The following LUZP2 variants were observed in gnomAD, a reference collection of about 807,000 sequenced individuals.
The protein encoded by LUZP2 is leucine zipper protein 2.
Under a neutral mutation model 51.6 loss-of-function variants are expected in LUZP2, and 52 were observed. The ratio of observed to expected loss-of-function variants is 1.01; its 90% confidence interval spans 0.81 to 1.27. The LOEUF (loss-of-function observed/expected upper bound fraction) is 1.27. LUZP2 is among the 50% of genes most tolerant of loss of function. The probability of loss-of-function intolerance (pLI) is 0.00; values close to 1 mark genes in which losing one functional copy is unlikely to be tolerated. For synonymous variants in LUZP2, 154 were observed against 137.3 expected, an observed-to-expected ratio of 1.12 and a Z score of -0.85; for missense variants, 436 against 395.4, an observed-to-expected ratio of 1.10 and a Z score of -0.87.
At chr11:24,830,311 C>G (rs1173843971) in intron 5 of LUZP2, among the ~76,000 whole-genome samples, 1 of 152,092 alleles carries the variant, frequency 6.6e-6, no homozygotes, top group Non-Finnish European at 1.5e-5. Context: ...AAATTTCTTC[C>G]CCATTTTTGA....
chr11:24,541,835 C>A (rs1167099980), intron 1 of LUZP2, among the ~76,000 whole-genome samples: 5 of 151,906 alleles, frequency 3.3e-5, no homozygotes, highest in Non-Finnish European at 7.4e-5. Flanking sequence ...ATAAGTACAG[C>A]CTAAAATTCC....
chr11:24,837,960 A>C (rs188871082), intron 5 of LUZP2, among the ~76,000 whole-genome samples: 12 of 151,806 alleles, frequency 7.9e-5, no homozygotes, highest in Admixed American at 1.3e-4. Context: ...ATTATTCTCT[A>C]TAAGGACAAT....
At chr11:24,657,476 G>C (rs1433166671) in intron 1 of LUZP2, among the ~76,000 whole-genome samples, 1 of 152,144 alleles carries the variant, frequency 6.6e-6, no homozygotes, top group Non-Finnish European at 1.5e-5. Flanking sequence ...ATATCATAAT[G>C]AATGGGCAAA....
chr11:24,840,597 C>A (rs559731371), intron 5 of LUZP2, among the ~76,000 whole-genome samples: 11 of 151,940 alleles, frequency 7.2e-5, no homozygotes, highest in Non-Finnish European at 1.3e-4. Flanking sequence ...AGATTCTGAT[C>A]CATAGCTCTA....
chr11:24,586,526 G>T (rs1366518491), intron 1 of LUZP2, among the ~76,000 whole-genome samples: 1 of 151,678 alleles, frequency 6.6e-6, no homozygotes, highest in African/African-American at 2.4e-5. Flanking sequence ...TATTATCTTA[G>T]TTTTTGTTAC....
intron 10 of LUZP2, among the ~76,000 whole-genome samples, chr11:25,066,740 TAG>T (rs1859006657): frequency 6.6e-6 from 1 of 151,838 alleles, no homozygotes; most frequent in African/African-American, 2.4e-5. Context: ...AAGGTGACGT[TAG>T]AGAGAGTTAA....
intron 1 of LUZP2, among the ~76,000 whole-genome samples, chr11:24,666,661 G>A (rs1310148971): frequency 1.3e-5 from 2 of 152,126 alleles, no homozygotes; most frequent in Middle Eastern, 3.2e-3. Context: ...TTTCTCACCT[G>A]GAAGAGAGGT....
intron 6 of LUZP2, among the ~76,000 whole-genome samples, chr11:24,912,231 G>A (rs1377383863): frequency 7.4e-6 from 1 of 136,034 alleles, no homozygotes. Context: ...TTCTCTTCCT[G>A]TCTCCTTTTC....
intron 1 of LUZP2, among the ~76,000 whole-genome samples, chr11:24,524,643 C>A (rs1850739474): frequency 6.6e-6 from 1 of 151,546 alleles, no homozygotes; most frequent in Non-Finnish European, 1.5e-5. Flanking sequence ...CAGAAGCAAC[C>A]AATAGTACAG....
intron 9 of LUZP2, among the ~76,000 whole-genome samples, chr11:25,001,803 C>G (rs1192406645): frequency 6.6e-6 from 1 of 152,140 alleles, no homozygotes; most frequent in Admixed American, 6.6e-5. Context: ...CTCTTCCTCT[C>G]TGTCTCCTTC....
At chr11:24,792,596 G>GT (rs1440236776) in intron 5 of LUZP2, among the ~76,000 whole-genome samples, 2 of 152,094 alleles carry the variant, frequency 1.3e-5, no homozygotes, top group Non-Finnish European at 2.9e-5. Flanking sequence ...ACAGGAAAAT[G>GT]TAATGAAGTT....
In LUZP2 at chr11:24,886,011, C is replaced by G. The variant is rs74957259; in HGVS notation, c.397-19980C>G. On this transcript the variant is annotated intron_variant, in intron 5 of 11. Coordinates refer to ENST00000336930, the MANE Select transcript of LUZP2 (RefSeq NM_001009909.4). Reference sequence around the variant, plus strand: ...GTCTACACTCAACTGGGACATCTGCCACCAGTAGGATAATGCCATGGCTGG... The same window carrying G: ...GTCTACACTCAACTGGGACATCTGCGACCAGTAGGATAATGCCATGGCTGG... Among the ~76,000 whole-genome samples the G allele has an allele frequency of 6.7e-3, 1,020 of 152,178 alleles. 15 individuals carry two copies. The highest frequency in any genetic ancestry group is 0.057 in the East Asian group (294 of 5,176).
chr11:25,004,308 T>TA (rs1856775176), intron 9 of LUZP2, among the ~76,000 whole-genome samples: 1 of 152,184 alleles, frequency 6.6e-6, no homozygotes, highest in South Asian at 2.1e-4. Context: ...ACAATACTGC[T>TA]AACAAGCCCT....
At chr11:24,579,139 A>C (rs1229603464) in intron 1 of LUZP2, among the ~76,000 whole-genome samples, 2 of 152,138 alleles carry the variant, frequency 1.3e-5, no homozygotes, top group Non-Finnish European at 2.9e-5. Context: ...AATCAATAGG[A>C]ATTAGAAAAA....
chr11:24,542,138 C>A (rs185508674), intron 1 of LUZP2, among the ~76,000 whole-genome samples: 12 of 152,044 alleles, frequency 7.9e-5, no homozygotes, highest in Admixed American at 7.2e-4. Context: ...CTAGAGATAA[C>A]CTGAACATAA....
At chr11:25,060,821 C>T (rs1000969341) in intron 10 of LUZP2, among the ~76,000 whole-genome samples, 12 of 152,104 alleles carry the variant, frequency 7.9e-5, no homozygotes, top group Non-Finnish European at 7.4e-5. Flanking sequence ...TTTTCCCATT[C>T]CTCTTCTTGT....
intron 6 of LUZP2, among the ~76,000 whole-genome samples, chr11:24,910,598 G>C (rs1269391226): frequency 1.3e-5 from 2 of 152,194 alleles, no homozygotes; most frequent in African/African-American, 4.8e-5. Context: ...ATGTGGTATT[G>C]AGCCTGTGGG....
intron 1 of LUZP2, among the ~76,000 whole-genome samples, chr11:24,506,001 G>A (rs1017441395): frequency 6.6e-6 from 1 of 152,108 alleles, no homozygotes; most frequent in Admixed American, 6.6e-5. Context: ...CCTACAGGTG[G>A]CAGGACTAAA....
chr11:24,809,447 C>G (rs898642544), intron 5 of LUZP2, among the ~76,000 whole-genome samples: 10 of 152,028 alleles, frequency 6.6e-5, no homozygotes, highest in Non-Finnish European at 1.3e-4. Flanking sequence ...CTAAATCTGC[C>G]GCCCCAAGTT....
Sources: allele counts gnomAD v4.1 joint callset (sites outside exome capture counted in the v4.1 genomes callset), GRCh38; gene constraint gnomAD v4.1.1; transcripts MANE v1.5; gene names NCBI Gene and HGNC (gene_info 2026-07-23, HGNC 2026-07-21).